The following FNDC3B variants were observed in gnomAD, a reference collection of about 807,000 sequenced individuals.
The protein encoded by FNDC3B is fibronectin type III domain containing 3B, also known as fibronectin type III domain-containing protein 3B.
A neutral mutation model predicts 151.5 loss-of-function variants in FNDC3B; 12 were observed. That is an observed-to-expected ratio of 0.08 (90% CI 0.05 to 0.13). The LOEUF (loss-of-function observed/expected upper bound fraction) is 0.13. Among genes scored for constraint, FNDC3B ranks in the 10% least tolerant of loss-of-function variants. The pLI is 1.00. For missense variants in FNDC3B, 1,214 were observed against 1,505.3 expected (o/e 0.81, Z 3.20); for synonymous variants, 528 against 549.0 (o/e 0.96, Z 0.54).
intron 3 of FNDC3B, among the ~76,000 whole-genome samples, chr3:172,154,458 C>T (rs202142212): frequency 2.6e-5 from 4 of 152,108 alleles, no homozygotes; most frequent in African/African-American, 4.8e-5. Context: ...CGCCGTCCTC[C>T]GCCTCCCAAA....
At position 172,392,798 on chromosome 3, in the gene FNDC3B, C is replaced by CTT. The variant is rs11450405; in HGVS notation, c.3304-4356_3304-4355dup. 1.7e-3 allele frequency among the ~76,000 whole-genome samples: 150 copies of CTT among 86,280 alleles called. 2 individuals are homozygous for CTT. The highest frequency in any genetic ancestry group is 4.5e-3 in the African/African-American group (129 of 28,708). The allele number at this position is 86,280 out of a possible 152,430, so 56.6% of individuals were successfully genotyped here. On this transcript the variant is annotated intron_variant, in intron 25 of 25. Transcript: ENST00000415807. ...GACAAAGTAACTGAATGAATTTTTTCTTTTTTTTTTTCTTTTTTTTTTTTC... is the reference window on the plus strand; with the variant it reads ...GACAAAGTAACTGAATGAATTTTTTCTTTTTTTTTTTTTCTTTTTTTTTTTTC...
intron 1 of FNDC3B, among the ~76,000 whole-genome samples, chr3:172,075,446 G>C (rs1206600643): frequency 6.6e-6 from 1 of 152,066 alleles, no homozygotes; most frequent in East Asian, 1.9e-4. Context: ...TTCAGTTTTT[G>C]ATTTCTGTAT....
chr3:172,349,133 A>C (rs1733741765), intron 21 of FNDC3B, among the ~76,000 whole-genome samples: 4 of 152,110 alleles, frequency 2.6e-5, no homozygotes, highest in Admixed American at 2.6e-4. Context: ...CTACAAAAAA[A>C]AAAAATACAA....
At chr3:172,119,398 A>AT (rs1720426306) in intron 2 of FNDC3B, among the ~76,000 whole-genome samples, 1 of 139,560 alleles carries the variant, frequency 7.2e-6, no homozygotes, top group Non-Finnish European at 1.6e-5. Flanking sequence ...AAAAAAAAAA[A>AT]GGCTGTATTT....
chr3:172,339,160 C>G (rs1021885749), intron 16 of FNDC3B, among the ~76,000 whole-genome samples: 1 of 152,140 alleles, frequency 6.6e-6, no homozygotes. Context: ...TGAGAACCAC[C>G]TGGAATTTTT....
At chr3:172,236,067 CAG>C in intron 4 of FNDC3B, among the ~76,000 whole-genome samples, 2 of 152,314 alleles carry the variant, frequency 1.3e-5, no homozygotes, top group Middle Eastern at 6.8e-3. Context: ...TGTCACCTAA[CAG>C]AAAGCCTGTC....
chr3:172,113,612 GATAAC>G (rs1292680371), intron 2 of FNDC3B, among the ~76,000 whole-genome samples: 3 of 152,150 alleles, frequency 2.0e-5, no homozygotes, highest in African/African-American at 7.2e-5. Context: ...CACTGATGCA[GATAAC>G]TCCCTTCCTG....
At chr3:172,186,342 A>G (rs1326374461) in intron 3 of FNDC3B, among the ~76,000 whole-genome samples, 1 of 152,208 alleles carries the variant, frequency 6.6e-6, no homozygotes, top group African/African-American at 2.4e-5. Context: ...AGAACTCCCA[A>G]TTTGGGGTTT....
chr3:172,127,570 G>A (rs974528482), intron 2 of FNDC3B, among the ~76,000 whole-genome samples: 5 of 152,076 alleles, frequency 3.3e-5, no homozygotes, highest in African/African-American at 1.2e-4. Flanking sequence ...AAAAAAACCT[G>A]GAAAAAGGAG....
chr3:172,127,860 G>A (rs144122336), intron 2 of FNDC3B, among the ~76,000 whole-genome samples: 37 of 152,178 alleles, frequency 2.4e-4, no homozygotes, highest in African/African-American at 8.7e-4. Context: ...GAGACAGGGT[G>A]TTGGTCAGGC....
chr3:172,305,896 G>A (rs931120708), intron 9 of FNDC3B, among the ~76,000 whole-genome samples: 3 of 152,190 alleles, frequency 2.0e-5, no homozygotes, highest in Non-Finnish European at 4.4e-5. Context: ...ATATTATCAC[G>A]TGCCTACTTA....
chr3:172,311,720 A>C (rs1187428432), intron 11 of FNDC3B, among the ~76,000 whole-genome samples: 1 of 151,544 alleles, frequency 6.6e-6, no homozygotes, highest in African/African-American at 2.4e-5. Flanking sequence ...CAAAAAAAAA[A>C]AAAAAAAATT....
chr3:172,048,200 AC>A (rs1716458994), intron 1 of FNDC3B, among the ~76,000 whole-genome samples: 1 of 152,182 alleles, frequency 6.6e-6, no homozygotes, highest in Non-Finnish European at 1.5e-5. Flanking sequence ...CCAGTTTTTA[AC>A]AGTACAAGTT....
intron 20 of FNDC3B, among the ~76,000 whole-genome samples, chr3:172,346,995 C>T (rs985124092): frequency 8.5e-5 from 13 of 152,180 alleles, no homozygotes; most frequent in African/African-American, 2.9e-4. Flanking sequence ...TGAGCCGCCG[C>T]ACCTGGCCCT....
chr3:172,130,753 G>T (rs1721044081), intron 2 of FNDC3B, among the ~76,000 whole-genome samples: 1 of 152,128 alleles, frequency 6.6e-6, no homozygotes, highest in Non-Finnish European at 1.5e-5. Flanking sequence ...CGGTATTCAG[G>T]GCACATTGTC....
In FNDC3B at chr3:172,341,093, G is replaced by T. The variant is rs1451133831; in HGVS notation, c.1853-20G>T. On this transcript the variant is annotated intron_variant, in intron 16 of 25. Coordinates refer to ENST00000415807, the MANE Select transcript of FNDC3B (RefSeq NM_022763.4). ...ATTTTTACAAGAGGCATAAAGTCAT[G>T]CATAAGTCTTGTTTTACAGCGAATC... The T allele has an allele frequency of 4.0e-6, 6 of 1,517,208 alleles. No individual in the cohort carries two copies. In the South Asian group the frequency reaches 5.6e-5, roughly 14 times the overall value. The allele number at this position is 1,517,208 out of a possible 1,614,324, so 94.0% of individuals were successfully genotyped here.
chr3:172,072,545 A>G (rs369664610), intron 1 of FNDC3B, among the ~76,000 whole-genome samples: 29 of 152,312 alleles, frequency 1.9e-4, no homozygotes, highest in African/African-American at 6.5e-4. Context: ...TCCACAGTCT[A>G]CCGCATCTGG....
At chr3:172,178,689 A>G (rs1488146417) in intron 3 of FNDC3B, among the ~76,000 whole-genome samples, 2 of 152,184 alleles carry the variant, frequency 1.3e-5, no homozygotes, top group Non-Finnish European at 2.9e-5. Context: ...TTGAGATTTT[A>G]TTATGTCTTG....
chr3:172,310,713 C>G, intron 10 of FNDC3B, 115 bp from the exon 11 acceptor site: 1 of 787,286 alleles, frequency 1.3e-6, no homozygotes, highest in Admixed American at 1.9e-5. Flanking sequence ...TCAGCTTTAT[C>G]CCCCTGAGGG....
Sources: allele counts gnomAD v4.1 joint callset (sites outside exome capture counted in the v4.1 genomes callset), GRCh38; gene constraint gnomAD v4.1.1; transcripts MANE v1.5; gene names NCBI Gene and HGNC (gene_info 2026-07-23, HGNC 2026-07-21).